PDS5B: variants seen among roughly 807,000 people sequenced by gnomAD.
PDS5B encodes sister chromatid cohesion protein PDS5 homolog B.
Under a neutral mutation model 184.1 loss-of-function variants are expected in PDS5B, and 51 were observed. That is an observed-to-expected ratio of 0.28 (90% CI 0.22 to 0.35). The LOEUF is 0.35. Among genes scored for constraint, PDS5B ranks in the 10% least tolerant of loss-of-function variants. The probability of loss-of-function intolerance (pLI) is 1.00; values close to 1 mark genes in which losing one functional copy is unlikely to be tolerated. For synonymous variants in PDS5B, 566 were observed against 569.2 expected (o/e 0.99, Z 0.08); for missense variants, 1,180 against 1,723.3 (o/e 0.68, Z 5.58).
At chr13:32,717,687 TAAA>T (rs1293060097) in intron 19 of PDS5B, among the ~76,000 whole-genome samples, 5 of 58,714 alleles carry the variant, frequency 8.5e-5, no homozygotes, top group African/African-American at 3.0e-4. Flanking sequence ...GAATGATCAA[TAAA>T]AAAAAAAAAA....
chr13:32,633,537 T>C lies in PDS5B; in HGVS notation c.-19-15217T>C, dbSNP rs139448798. On this transcript the variant is annotated intron_variant, in intron 1 of 34. Coordinates refer to ENST00000315596, the MANE Select transcript of PDS5B (RefSeq NM_015032.4). ...TCAGTGAGACTAGATTCAGATTAGATTTAGTAATATTAATCCGTATGCAGT... is the reference window on the plus strand; with the variant it reads ...TCAGTGAGACTAGATTCAGATTAGACTTAGTAATATTAATCCGTATGCAGT... Among the ~76,000 whole-genome samples the C allele has an allele frequency of 6.3e-3, 959 of 152,330 alleles. 7 individuals are homozygous for C. The highest frequency in any genetic ancestry group is 0.022 in the African/African-American group (919 of 41,572).
chr13:32,713,387 A>G (rs1230084935), intron 19 of PDS5B, among the ~76,000 whole-genome samples: 1 of 152,262 alleles, frequency 6.6e-6, no homozygotes, highest in Non-Finnish European at 1.5e-5. Flanking sequence ...TAAATATCTT[A>G]GCATTCCAAA....
At chr13:32,612,257 G>A (rs567827148) in intron 1 of PDS5B, among the ~76,000 whole-genome samples, 1 of 151,900 alleles carries the variant, frequency 6.6e-6, no homozygotes, top group Admixed American at 6.6e-5. Flanking sequence ...TAGTAGAGAC[G>A]GGATTTCACC....
At chr13:32,604,853 A>G (rs545925423) in intron 1 of PDS5B, among the ~76,000 whole-genome samples, 2 of 152,058 alleles carry the variant, frequency 1.3e-5, no homozygotes, top group Non-Finnish European at 2.9e-5. Flanking sequence ...TTTCTAGTTT[A>G]TTTGCATAGA....
Position 32,742,683 on chromosome 13 carries a change from A to G in PDS5B, c.2568A>G (p.Thr856=). The change falls in exon 23 of 35, where the codon ACA becomes ACG. Residue 856 remains threonine (T), a synonymous_variant. Transcript: ENST00000315596. ...SGTSTLRLLT[T]ILHSDGDLTE... ...CTTCTACCTTAAGATTGCTAACAAC[A>G]ATATTGCATAGTGATGGAGACTTGA... The G allele has an allele frequency of 6.2e-7, 1 of 1,612,218 alleles. No individual in the cohort carries two copies. Among genetic ancestry groups the G allele is most frequent in the Admixed American group, 1.7e-5 (1 of 59,954 alleles).
chr13:32,717,817 G>C (rs1247812720), intron 19 of PDS5B, among the ~76,000 whole-genome samples: 1 of 148,400 alleles, frequency 6.7e-6, no homozygotes, highest in Non-Finnish European at 1.5e-5. Flanking sequence ...ATTGTTCAGA[G>C]TATAGAAAAG....
intron 1 of PDS5B, among the ~76,000 whole-genome samples, chr13:32,628,646 G>T (rs1346663540): frequency 1.3e-5 from 2 of 149,058 alleles, no homozygotes; most frequent in African/African-American, 4.9e-5. Context: ...GTACTTTTTT[G>T]GTGTATGTTA....
At chr13:32,631,652 A>G (rs1189042880) in intron 1 of PDS5B, among the ~76,000 whole-genome samples, 1 of 152,246 alleles carries the variant, frequency 6.6e-6, no homozygotes, top group Non-Finnish European at 1.5e-5. Context: ...TAGAGATCAA[A>G]GGTGCAGTAA....
At chr13:32,738,685 T>C (rs566048640) in intron 21 of PDS5B, among the ~76,000 whole-genome samples, 1 of 152,242 alleles carries the variant, frequency 6.6e-6, no homozygotes, top group East Asian at 1.9e-4. Flanking sequence ...TTTTTTTTTC[T>C]TTTTGAGATG....
intron 1 of PDS5B, among the ~76,000 whole-genome samples, chr13:32,595,648 C>A (rs1593232197): frequency 6.6e-6 from 1 of 152,102 alleles, no homozygotes; most frequent in African/African-American, 2.4e-5. Context: ...CTATTGGGTC[C>A]TGAATAGAAG....
At chr13:32,699,929 T>TCTTTTATAAATTA in intron 16 of PDS5B, 60 bp downstream of exon 16, 1 of 1,447,086 alleles carries the variant, frequency 6.9e-7, no homozygotes, top group Non-Finnish European at 9.1e-7. Flanking sequence ...ATTGTTTCTC[T>TCTTTTATAAATTA]CTTTTATAAA....
chr13:32,667,703 G>A, intron 6 of PDS5B, 61 bp from the exon 7 acceptor site: 1 of 909,976 alleles, frequency 1.1e-6, no homozygotes, highest in Non-Finnish European at 1.7e-6. Flanking sequence ...TTTGAATACA[G>A]GTAATATTTT....
In PDS5B at chr13:32,760,117, G is replaced by A. The variant is rs111433864; in HGVS notation, c.3372+427G>A. On this transcript the variant is annotated intron_variant, in intron 29 of 34. Coordinates refer to ENST00000315596, the MANE Select transcript of PDS5B (RefSeq NM_015032.4). ...ACTACAGGTGCCTGCCACCACGCCTGGCTAATTTTTTGTATTTTTAGTAGA... is the reference window on the plus strand; with the variant it reads ...ACTACAGGTGCCTGCCACCACGCCTAGCTAATTTTTTGTATTTTTAGTAGA... Among the ~76,000 whole-genome samples the A allele has an allele frequency of 7.5e-3, 1,148 of 152,142 alleles. 9 individuals are homozygous for A. The highest frequency in any genetic ancestry group is 0.024 in the Middle Eastern group (7 of 294).
chr13:32,733,146 T>C (rs1261673607), intron 20 of PDS5B, among the ~76,000 whole-genome samples: 1 of 152,172 alleles, frequency 6.6e-6, no homozygotes, highest in East Asian at 1.9e-4. Flanking sequence ...AGGAAAGTTT[T>C]CTTTTTGGTT....
At chr13:32,717,367 G>T (rs1858913097) in intron 19 of PDS5B, among the ~76,000 whole-genome samples, 1 of 150,434 alleles carries the variant, frequency 6.6e-6, no homozygotes, top group African/African-American at 2.4e-5. Flanking sequence ...TCTGCCTTGG[G>T]ATCCTGTTGA....
At chr13:32,689,321 A>G (rs1179207374) in intron 13 of PDS5B, 1 of 152,108 alleles carries the variant, frequency 6.6e-6, no homozygotes. Context: ...TTTTAACTTC[A>G]TTTCTTCCAT....
At chr13:32,669,270 CA>C (rs1399002180) in intron 7 of PDS5B, among the ~76,000 whole-genome samples, 1 of 151,502 alleles carries the variant, frequency 6.6e-6, no homozygotes, top group Non-Finnish European at 1.5e-5. Context: ...CTCATATTGC[CA>C]AGCCAGTTTT....
chr13:32,760,555 A>G lies in PDS5B; in HGVS notation c.3373-20A>G. On this transcript the variant is annotated intron_variant, in intron 29 of 34. Transcript: ENST00000315596. ...TTTGGCTTTAACCAAATAAAAAGAG[A>G]TGTGCATTTCTCATTTCAGCCTAAA... 3.7e-6 allele frequency: 6 copies of G among 1,610,260 alleles called. No individual in the cohort carries two copies. The highest frequency in any genetic ancestry group is 5.1e-6 in the Non-Finnish European group (6 of 1,178,480).
Position 32,753,382 on chromosome 13 carries a change from C to A in PDS5B, c.2787C>A (p.Gly929=), listed in dbSNP as rs150594008. 5.0e-6 allele frequency: 8 copies of A among 1,613,794 alleles called. No homozygotes were observed. Among genetic ancestry groups the A allele is most frequent in the Non-Finnish European group, 6.8e-6 (8 of 1,179,848 alleles). Residue 929 remains glycine (G), a synonymous_variant, in exon 25 of 35, where the codon GGC becomes GGA. Coordinates refer to ENST00000315596, the MANE Select transcript of PDS5B (RefSeq NM_015032.4). ...TGTTTGCCCAGAAACTTCACAAAGG[C>A]CTTTCCCGTTTACGGCTTCCACTTG... ...RQVFAQKLHK[G]LSRLRLPLEY...
Sources: allele counts gnomAD v4.1 joint callset (sites outside exome capture counted in the v4.1 genomes callset), GRCh38; gene constraint gnomAD v4.1.1; transcripts MANE v1.5; gene names NCBI Gene and HGNC (gene_info 2026-07-23, HGNC 2026-07-21).